The following PHKB variants were observed in gnomAD, a reference collection of about 807,000 sequenced individuals.
PHKB encodes the protein phosphorylase b kinase regulatory subunit beta.
PHKB carries 122 observed loss-of-function variants against 152.1 expected under a neutral mutation model. The observed-to-expected ratio is 0.80, with a 90% CI of 0.69 to 0.93. The LOEUF (loss-of-function observed/expected upper bound fraction) is 0.93. Ranked by LOEUF, PHKB falls within the 40% of genes least tolerant of loss-of-function variation. The pLI is 0.00. For missense variants in PHKB, 1,304 were observed against 1,328.4 expected, an observed-to-expected ratio of 0.98 and a Z score of 0.29; for synonymous variants, 436 against 464.9, an observed-to-expected ratio of 0.94 and a Z score of 0.80.
At chr16:47,473,252 T>A (rs942082700) in intron 1 of PHKB, among the ~76,000 whole-genome samples, 17 of 136,048 alleles carry the variant, frequency 1.2e-4, no homozygotes, top group East Asian at 4.8e-4. Flanking sequence ...TTTTTTTTTT[T>A]ATTGTAGAGA....
intron 1 of PHKB, among the ~76,000 whole-genome samples, chr16:47,482,116 C>A (rs1302519000): frequency 2.0e-5 from 3 of 152,222 alleles, no homozygotes; most frequent in African/African-American, 7.2e-5. Flanking sequence ...AAAGTTTGGT[C>A]AGTTAACGAT....
At chr16:47,691,529 A>T (rs1262843906) in intron 27 of PHKB, among the ~76,000 whole-genome samples, 3 of 152,016 alleles carry the variant, frequency 2.0e-5, no homozygotes, top group African/African-American at 7.3e-5. Flanking sequence ...ACATGGCAAG[A>T]CCCCATCTCT....
At chr16:47,641,522 T>A (rs1973020927) in intron 15 of PHKB, 77 bp from the exon 16 acceptor site, 2 of 793,580 alleles carry the variant, frequency 2.5e-6, no homozygotes, top group African/African-American at 3.4e-5. Context: ...TGTTCCCTTT[T>A]ATCCTCCTCC....
At chr16:47,544,848 T>C (rs935605614) in intron 6 of PHKB, among the ~76,000 whole-genome samples, 5 of 152,250 alleles carry the variant, frequency 3.3e-5, no homozygotes, top group African/African-American at 1.2e-4. Context: ...CATTATGTAA[T>C]GGCCTTCTTT....
intron 7 of PHKB, chr16:47,566,236 C>T: frequency 1.2e-6 from 1 of 816,066 alleles, no homozygotes. Context: ...TACTTGTCTC[C>T]AAAGCTATCA....
intron 1 of PHKB, among the ~76,000 whole-genome samples, chr16:47,489,834 T>C (rs1314118637): frequency 6.6e-6 from 1 of 152,188 alleles, no homozygotes; most frequent in Non-Finnish European, 1.5e-5. Context: ...GTTTCTCCAA[T>C]TGTGTCCTGC....
At chr16:47,668,972 C>T (rs1466394637) in intron 25 of PHKB, among the ~76,000 whole-genome samples, 1 of 152,138 alleles carries the variant, frequency 6.6e-6, no homozygotes, top group African/African-American at 2.4e-5. Flanking sequence ...CTCACCTCCA[C>T]TCCCCTAACT....
At chr16:47,659,016 T>C (rs1361347315) in intron 20 of PHKB, among the ~76,000 whole-genome samples, 1 of 152,218 alleles carries the variant, frequency 6.6e-6, no homozygotes, top group African/African-American at 2.4e-5. Flanking sequence ...GAGCAAGATG[T>C]ATACATGCTA....
chr16:47,624,785 C>T (rs1480745630), intron 14 of PHKB, among the ~76,000 whole-genome samples: 1 of 152,136 alleles, frequency 6.6e-6, no homozygotes, highest in Non-Finnish European at 1.5e-5. Flanking sequence ...ATGCTTGCAC[C>T]ATCTTCATGT....
intron 24 of PHKB, chr16:47,663,973 G>T (rs548092055): frequency 4.3e-5 from 24 of 555,800 alleles, no homozygotes; most frequent in African/African-American, 3.8e-4. Flanking sequence ...TCGCTGGAAT[G>T]GTATGCTAAG....
At chr16:47,596,157 A>G (rs567443351) in intron 12 of PHKB, among the ~76,000 whole-genome samples, 1 of 152,192 alleles carries the variant, frequency 6.6e-6, no homozygotes, top group East Asian at 1.9e-4. Flanking sequence ...TTGTAAATGC[A>G]TAAGCCCTCT....
intron 7 of PHKB, among the ~76,000 whole-genome samples, chr16:47,559,114 G>A (rs1971432907): frequency 6.6e-6 from 1 of 152,026 alleles, no homozygotes; most frequent in Non-Finnish European, 1.5e-5. Flanking sequence ...TATGCATTGG[G>A]GCCTAAGGGA....
chr16:47,583,293 G>A (rs1006637182), intron 8 of PHKB, among the ~76,000 whole-genome samples: 6 of 152,096 alleles, frequency 3.9e-5, no homozygotes, highest in Admixed American at 1.3e-4. Flanking sequence ...TTAATAATGT[G>A]CCTGCTAAAC....
intron 1 of PHKB, among the ~76,000 whole-genome samples, chr16:47,479,274 A>G (rs1323280395): frequency 6.6e-6 from 1 of 152,174 alleles, no homozygotes; most frequent in Non-Finnish European, 1.5e-5. Context: ...CAAAGATCTT[A>G]AAGCAAGCTT....
chr16:47,673,336 AAG>A (rs1165260503), intron 26 of PHKB, among the ~76,000 whole-genome samples: 5 of 152,264 alleles, frequency 3.3e-5, no homozygotes, highest in South Asian at 4.1e-4. Flanking sequence ...GAAAAGCAAA[AAG>A]AGAGCATGTC....
At chr16:47,593,399 C>T (rs1972064699) in intron 10 of PHKB, 101 bp from the exon 11 acceptor site, 2 of 699,788 alleles carry the variant, frequency 2.9e-6, no homozygotes, top group Middle Eastern at 3.9e-4. Flanking sequence ...GTGATTGTGC[C>T]ACTGCACTCC....
At chr16:47,636,093 G>C (rs778991168) in intron 14 of PHKB, among the ~76,000 whole-genome samples, 1 of 152,188 alleles carries the variant, frequency 6.6e-6, no homozygotes, top group South Asian at 2.1e-4. Flanking sequence ...TTAATTGAGG[G>C]TTAAAGGATA....
chr16:47,654,528 A>C (rs1973298077), intron 20 of PHKB, among the ~76,000 whole-genome samples: 1 of 152,136 alleles, frequency 6.6e-6, no homozygotes, highest in South Asian at 2.1e-4. Context: ...CACTATTCAC[A>C]ATAGCAAAGA....
At chr16:47,671,276 G>T (rs765794694) in intron 26 of PHKB, among the ~76,000 whole-genome samples, 2 of 151,930 alleles carry the variant, frequency 1.3e-5, no homozygotes, top group Admixed American at 6.6e-5. Context: ...TATTATGTAT[G>T]TTTTTATATT....
Sources: gnomAD v4.1 joint callset for allele counts (sites outside exome capture counted in the v4.1 genomes callset) on GRCh38, gnomAD v4.1.1 for gene constraint, MANE v1.5 for transcripts, NCBI Gene and HGNC (gene_info 2026-07-23, HGNC 2026-07-21) for gene names.